PRR16: variants seen among roughly 807,000 people sequenced by gnomAD.
PRR16 encodes proline rich 16, also known as protein Largen.
Under a neutral mutation model 18.2 loss-of-function variants are expected in PRR16, and 6 were observed. The observed-to-expected ratio is 0.33, with a 90% CI of 0.18 to 0.65. PRR16 has a LOEUF of 0.65. Ranked by LOEUF, PRR16 falls within the 30% of genes least tolerant of loss-of-function variation. The probability of loss-of-function intolerance (pLI) is 0.74; values close to 1 mark genes in which losing one functional copy is unlikely to be tolerated. For missense variants in PRR16, 412 were observed against 376.6 expected (o/e 1.09, Z -0.78); for synonymous variants, 151 against 147.8 (o/e 1.02, Z -0.16).
intron 1 of PRR16, among the ~76,000 whole-genome samples, chr5:120,597,421 AAT>A (rs1298229346): frequency 6.6e-6 from 1 of 151,412 alleles, no homozygotes; most frequent in Non-Finnish European, 1.5e-5. Context: ...TTTGTGTATT[AAT>A]GTTTCTCTAT....
chr5:120,742,447 A>AT, the PRR16 span, among the ~76,000 whole-genome samples: 1 of 151,344 alleles, frequency 6.6e-6, no homozygotes, highest in Non-Finnish European at 1.5e-5. Flanking sequence ...TTCATTATGT[A>AT]TTTTTTAATA....
the PRR16 span, among the ~76,000 whole-genome samples, chr5:120,736,537 CTTTTTTTTTTTT>C: frequency 5.6e-5 from 3 of 54,022 alleles, no homozygotes; most frequent in Non-Finnish European, 1.0e-4. Context: ...AGTGTAAAGG[CTTTTTTTTTTTT>C]TTTTTTTTTT....
the PRR16 span, among the ~76,000 whole-genome samples, chr5:120,764,642 A>C: frequency 6.6e-6 from 1 of 151,808 alleles, no homozygotes. Context: ...ATCAAGGAAA[A>C]GATTAAATTT....
the PRR16 span, among the ~76,000 whole-genome samples, chr5:120,716,804 G>A: frequency 0.23 from 35,240 of 152,026 alleles, 4,873 homozygotes; most frequent in East Asian, 0.6. Context: ...TCTGGGAGGC[G>A]GAGATTGCAG....
At chr5:120,692,527 C>G in the PRR16 span, among the ~76,000 whole-genome samples, 4 of 152,154 alleles carry the variant, frequency 2.6e-5, no homozygotes, top group African/African-American at 9.7e-5. Context: ...TTGCATGTGT[C>G]ATTGGCCAAA....
chr5:120,599,842 A>C lies in PRR16; in HGVS notation c.160-86112A>C, dbSNP rs146460062. 5.0e-3 allele frequency among the ~76,000 whole-genome samples: 767 copies of C among 151,948 alleles called. 24 individuals carry two copies. The highest frequency in any genetic ancestry group is 0.045 in the Admixed American group (687 of 15,206). On this transcript the variant is annotated intron_variant, in intron 1 of 1. Transcript: ENST00000407149. ...CCAACCAGTGACTCAGATCTTAGGT[A>C]GATGGGTCAATTTCCTCTTTCTGGT...
At chr5:120,745,567 AC>A in the PRR16 span, among the ~76,000 whole-genome samples, 4 of 152,208 alleles carry the variant, frequency 2.6e-5, no homozygotes, top group African/African-American at 7.2e-5. Flanking sequence ...AACAACAACA[AC>A]AAATACTGTC....
intron 1 of PRR16, among the ~76,000 whole-genome samples, chr5:120,677,905 C>CTTTTTT (rs386404833): frequency 0.029 from 2,649 of 92,898 alleles, 18 homozygotes; most frequent in East Asian, 0.035. Context: ...CTTTTTCTTT[C>CTTTTTT]TTTTTTTTTT....
chr5:120,743,382 T>A, the PRR16 span, among the ~76,000 whole-genome samples: 3 of 151,438 alleles, frequency 2.0e-5, no homozygotes, highest in Non-Finnish European at 2.9e-5. Context: ...CATAGGTGAT[T>A]AAAAAAAAAT....
At chr5:120,516,571 C>G (rs1751002732) in intron 1 of PRR16, among the ~76,000 whole-genome samples, 2 of 151,764 alleles carry the variant, frequency 1.3e-5, no homozygotes, top group African/African-American at 4.8e-5. Context: ...CATCCTGTCA[C>G]TACATTGGTT....
chr5:120,508,276 AC>A (rs1446105816), intron 1 of PRR16, among the ~76,000 whole-genome samples: 24 of 152,182 alleles, frequency 1.6e-4, no homozygotes, highest in African/African-American at 4.6e-4. Flanking sequence ...TGCAGTAGTT[AC>A]TATACACTTG....
At chr5:120,739,243 T>C in the PRR16 span, among the ~76,000 whole-genome samples, 2 of 152,176 alleles carry the variant, frequency 1.3e-5, no homozygotes, top group African/African-American at 4.8e-5. Flanking sequence ...ATGGTCTCTA[T>C]ATTATGAGAT....
At chr5:120,739,595 T>C in the PRR16 span, among the ~76,000 whole-genome samples, 1 of 152,152 alleles carries the variant, frequency 6.6e-6, no homozygotes, top group African/African-American at 2.4e-5. Flanking sequence ...TTTTAACAAA[T>C]TGGTTTATTT....
chr5:120,547,958 G>T (rs547728556), intron 1 of PRR16, among the ~76,000 whole-genome samples: 27 of 152,018 alleles, frequency 1.8e-4, no homozygotes, highest in African/African-American at 6.5e-4. Flanking sequence ...CAGATAATGA[G>T]AATAAAAATA....
intron 1 of PRR16, among the ~76,000 whole-genome samples, chr5:120,550,387 T>G (rs925630277): frequency 2.6e-5 from 4 of 152,034 alleles, no homozygotes; most frequent in Non-Finnish European, 5.9e-5. Flanking sequence ...TATGTTAATT[T>G]TACAGGCACA....
At chr5:120,711,899 A>C in the PRR16 span, among the ~76,000 whole-genome samples, 1 of 152,174 alleles carries the variant, frequency 6.6e-6, no homozygotes, top group Non-Finnish European at 1.5e-5. Context: ...AGCCCCTCCC[A>C]TGGACATTTG....
At position 120,575,338 on chromosome 5, in the gene PRR16, C is replaced by CAG. The variant is rs1753039776; in HGVS notation, c.160-110615_160-110614insGA. On this transcript the variant is annotated intron_variant, in intron 1 of 1. Coordinates refer to ENST00000407149, the MANE Select transcript of PRR16 (RefSeq NM_001300783.2). ...AAGGAAACACACACACACACACACA[C>CAG]ACACACACACACACACGAAAACTAC... 2.0e-5 allele frequency among the ~76,000 whole-genome samples: 3 copies of CAG among 151,394 alleles called. No homozygotes were observed. The South Asian group carries it at 6.3e-4, about 32-fold the overall frequency.
intron 1 of PRR16, among the ~76,000 whole-genome samples, chr5:120,618,888 G>A (rs1235663321): frequency 1.3e-5 from 2 of 151,818 alleles, no homozygotes; most frequent in Admixed American, 1.3e-4. Context: ...TTCATAAGAC[G>A]TTCACCTGAC....
At chr5:120,754,213 T>C in the PRR16 span, among the ~76,000 whole-genome samples, 1 of 66,218 alleles carries the variant, frequency 1.5e-5, no homozygotes, top group Non-Finnish European at 2.8e-5. Context: ...ATAAATTATA[T>C]ATTATAATAT....
Sources: allele counts gnomAD v4.1 joint callset (sites outside exome capture counted in the v4.1 genomes callset), GRCh38; gene constraint gnomAD v4.1.1; transcripts MANE v1.5; gene names NCBI Gene and HGNC (gene_info 2026-07-23, HGNC 2026-07-21).